Variants in CCDC85A observed in about 807,000 individuals in gnomAD.
The protein encoded by CCDC85A is coiled-coil domain containing 85A, also known as coiled-coil domain-containing protein 85A.
CCDC85A carries 38 observed loss-of-function variants against 50.2 expected under a neutral mutation model. The ratio of observed to expected loss-of-function variants is 0.76; its 90% CI spans 0.58 to 0.99. The LOEUF is 0.99. Ranked by LOEUF, CCDC85A falls within the 50% of genes least tolerant of loss-of-function variation. CCDC85A has a pLI of 0.00. For missense variants in CCDC85A, 820 were observed against 742.0 expected (o/e 1.11, Z -1.22); for synonymous variants, 366 against 301.4 (o/e 1.21, Z -2.22).
chr2:56,289,964 G>T (rs1387605896), intron 2 of CCDC85A, among the ~76,000 whole-genome samples: 1 of 152,002 alleles, frequency 6.6e-6, no homozygotes, highest in Non-Finnish European at 1.5e-5. Context: ...CTAGGCTATG[G>T]GTCAAACCTT....
intron 2 of CCDC85A, among the ~76,000 whole-genome samples, chr2:56,259,640 G>T (rs758074164): frequency 1.3e-5 from 2 of 152,188 alleles, no homozygotes; most frequent in African/African-American, 4.8e-5. Context: ...TTCTCTTTGA[G>T]TCTGGGACCA....
At chr2:56,323,922 T>C (rs1673342978) in intron 2 of CCDC85A, among the ~76,000 whole-genome samples, 2 of 152,084 alleles carry the variant, frequency 1.3e-5, no homozygotes, top group African/African-American at 4.8e-5. Flanking sequence ...TTATTTAGGG[T>C]ACGAAGTTTC....
At chr2:56,284,101 T>G (rs2104114095) in intron 2 of CCDC85A, among the ~76,000 whole-genome samples, 1 of 152,302 alleles carries the variant, frequency 6.6e-6, no homozygotes, top group South Asian at 2.1e-4. Flanking sequence ...TTCCCTGTGA[T>G]TTTTTTCTTT....
intron 2 of CCDC85A, among the ~76,000 whole-genome samples, chr2:56,216,631 G>C (rs750357979): frequency 8.6e-5 from 13 of 150,822 alleles, no homozygotes; most frequent in Non-Finnish European, 1.6e-4. Flanking sequence ...TTTGAGTTCA[G>C]TTGTATTCAT....
Position 56,192,976 on chromosome 2 carries a change from C to T in CCDC85A, c.776C>T (p.Pro259Leu). Residue 259 changes from proline (P) to leucine (L), a missense_variant, in exon 2 of 6, where the codon CCA (proline) becomes CTA (leucine). By Grantham distance (98) the Pro-to-Leu change is moderately conservative. Transcript: ENST00000407595. This position sits in a 1 kb window ranked among gnomAD's most constrained non-coding sequence, Gnocchi z 4.7. The stretch of plus-strand genomic sequence containing the variant: ...CACAGGAGCGCCAGCCCCGAGCATC[C>T]ACAGAAACCCAGAGCCTGTGGAACC... The part of the protein sequence containing the change: ...SKHRSASPEH[P>L]QKPRACGTPD... The T allele has an allele frequency of 6.2e-7, 1 of 1,612,934 alleles. No individual in the cohort carries two copies. The highest frequency in any genetic ancestry group is 8.5e-7 in the Non-Finnish European group (1 of 1,179,640).
rs1236178209 is a variant in CCDC85A, at chr2:56,321,149, G to T, written c.1241-21730G>T. On this transcript the variant is annotated intron_variant, in intron 2 of 5. Transcript: ENST00000407595. ...ATTGATGGGATGTATCTCAAAATAA[G>T]AAGAGCTATTTATGACAAACCCACA... 3.9e-5 allele frequency among the ~76,000 whole-genome samples: 6 copies of T among 152,040 alleles called. No homozygotes were observed. The South Asian group carries it at 8.3e-4, about 21-fold the overall frequency.
chr2:56,361,107 AG>A (rs1318113531), intron 3 of CCDC85A, among the ~76,000 whole-genome samples: 2 of 152,128 alleles, frequency 1.3e-5, no homozygotes, highest in Non-Finnish European at 2.9e-5. Context: ...CAAAAACCTT[AG>A]CCGGGCGTGG....
chr2:56,193,473 C>T (rs1676398140), intron 2 of CCDC85A, 33 bp downstream of exon 2: 1 of 1,551,472 alleles, frequency 6.4e-7, no homozygotes, highest in South Asian at 1.2e-5. Flanking sequence ...GCTGCTTGGG[C>T]TGGGGAACTC....
chr2:56,188,525 C>G (rs36015681), intron 1 of CCDC85A, among the ~76,000 whole-genome samples: 1 of 151,932 alleles, frequency 6.6e-6, no homozygotes, highest in African/African-American at 2.4e-5. Context: ...AAGTATTTTC[C>G]TATGAAAATT....
chr2:56,257,211 C>T (rs79799640), intron 2 of CCDC85A, among the ~76,000 whole-genome samples: 2,922 of 152,180 alleles, frequency 0.019, 89 homozygotes, highest in African/African-American at 0.064. Flanking sequence ...AAGGTATCTT[C>T]GAGTACCACT....
chr2:56,349,985 G>A (rs1674828576), intron 3 of CCDC85A, among the ~76,000 whole-genome samples: 1 of 150,386 alleles, frequency 6.6e-6, no homozygotes, highest in Admixed American at 6.6e-5. Context: ...CTTATGAGAA[G>A]CAATACTAAG....
intron 3 of CCDC85A, among the ~76,000 whole-genome samples, chr2:56,344,816 G>C (rs140575026): frequency 1.3e-4 from 20 of 151,970 alleles, no homozygotes; most frequent in Non-Finnish European, 2.6e-4. Context: ...AGGCGACTGG[G>C]AATGTAAAAG....
intron 2 of CCDC85A, among the ~76,000 whole-genome samples, chr2:56,321,846 G>A (rs1048086942): frequency 1.3e-5 from 2 of 152,086 alleles, no homozygotes; most frequent in African/African-American, 4.8e-5. Context: ...ATAATCCTAA[G>A]CCAAAAGAAC....
chr2:56,184,775 G>C lies in CCDC85A; in HGVS notation c.151G>C (p.Glu51Gln). 9.1e-6 allele frequency: 14 copies of C among 1,546,596 alleles called. No individual in the cohort carries two copies. The highest frequency in any genetic ancestry group is 2.5e-5 in the East Asian group (1 of 40,708). Residue 51 changes from glutamate (E) to glutamine (Q), a missense_variant, in exon 1 of 6, where the codon GAG becomes CAG. Coordinates refer to ENST00000407595, the MANE Select transcript of CCDC85A (RefSeq NM_001080433.2). ...DEELLQWSKE[E>Q]LIRSLRRAEA... ...GGAGCTGCTGCAGTGGAGCAAGGAG[G>C]AGCTGATCCGCAGCCTGCGGCGCGC... is the stretch of plus-strand genomic sequence containing the variant.
intron 2 of CCDC85A, among the ~76,000 whole-genome samples, chr2:56,201,235 C>A (rs1434386321): frequency 1.3e-5 from 2 of 151,970 alleles, no homozygotes; most frequent in Non-Finnish European, 2.9e-5. Flanking sequence ...CCTTCATTTT[C>A]AGCCGTATGA....
chr2:56,242,915 A>C (rs1669330822), intron 2 of CCDC85A, among the ~76,000 whole-genome samples: 1 of 152,002 alleles, frequency 6.6e-6, no homozygotes, highest in Non-Finnish European at 1.5e-5. Flanking sequence ...TTAAGTCTTT[A>C]TTTTGATTTG....
chr2:56,224,791 G>T (rs1004987870), intron 2 of CCDC85A, among the ~76,000 whole-genome samples: 9 of 152,006 alleles, frequency 5.9e-5, no homozygotes, highest in Non-Finnish European at 1.2e-4. Context: ...TAATTGGTTT[G>T]TCTTTTTATT....
chr2:56,184,362 C>G lies in CCDC85A; in HGVS notation c.-263C>G, dbSNP rs979239300. ...GCTCCCCAGTGCCCCTCACCATGGA[C>G]TTGCGCGGAGTTGGGACGGGCCTCG... is the stretch of plus-strand genomic sequence containing the variant. On this transcript the variant is annotated 5_prime_UTR_variant, in exon 1 of 6. Coordinates refer to ENST00000407595, the MANE Select transcript of CCDC85A (RefSeq NM_001080433.2). The G allele has an allele frequency of 1.4e-5, 7 of 497,102 alleles. No homozygotes were observed. Among genetic ancestry groups the G allele is most frequent in the Non-Finnish European group, 1.8e-5 (6 of 341,508 alleles). The allele number at this position is 497,102 out of a possible 1,614,324, so 30.8% of individuals were successfully genotyped here.
At chr2:56,267,250 C>T (rs1244418675) in intron 2 of CCDC85A, among the ~76,000 whole-genome samples, 1 of 152,192 alleles carries the variant, frequency 6.6e-6, no homozygotes, top group Non-Finnish European at 1.5e-5. Flanking sequence ...CTCACCATCC[C>T]TAGCGAAGGC....
Sources: allele counts gnomAD v4.1 joint callset (sites outside exome capture counted in the v4.1 genomes callset), GRCh38; gene constraint gnomAD v4.1.1; non-coding constraint Gnocchi (gnomAD v3.1); transcripts MANE v1.5; gene names NCBI Gene and HGNC (gene_info 2026-07-23, HGNC 2026-07-21).